ERN2: variants seen among roughly 807,000 people sequenced by gnomAD.
ERN2 encodes endoplasmic reticulum to nucleus signaling 2.
Under a neutral mutation model 107.9 loss-of-function variants are expected in ERN2, and 111 were observed. The observed-to-expected ratio is 1.03, with a 90% confidence interval of 0.88 to 1.20. The LOEUF (loss-of-function observed/expected upper bound fraction) is 1.20, where lower values mean the gene tolerates loss of function less well. Ranked by LOEUF, ERN2 falls within the 50% of genes most tolerant of loss-of-function variation. The probability of loss-of-function intolerance (pLI) is 0.00; values close to 1 mark genes in which losing one functional copy is unlikely to be tolerated. For missense variants in ERN2, 1,225 were observed against 1,197.9 expected (o/e 1.02, Z -0.33); for synonymous variants, 524 against 501.7 (o/e 1.04, Z -0.59).
Position 23,700,979 on chromosome 16 carries a change from T to G in ERN2, c.1339A>C (p.Ile447Leu), listed in dbSNP as rs1960039362. 6.2e-7 allele frequency: 1 copy of G among 1,613,956 alleles called. No homozygotes were observed. Among genetic ancestry groups the G allele is most frequent in the South Asian group, 1.1e-5 (1 of 91,068 alleles). Reference protein sequence around the residue: ...SLTAVLLGGWILFVMRQQQPQ... With the variant: ...SLTAVLLGGWLLFVMRQQQPQ... ...CCTACCTGCCTCATCACAAAGAGAA[T>G]CCACCCTCCCAGGAGGACAGCAGTG... is the stretch of plus-strand genomic sequence containing the variant. The change falls in exon 12 of 22, where the codon ATT becomes CTT. Residue 447 changes from isoleucine to leucine, a missense_variant. Transcript: ENST00000256797.
intron 1 of ERN2, 124 bp from the exon 2 acceptor site, chr16:23,711,142 G>C (rs1960525260): frequency 1.6e-6 from 1 of 643,436 alleles, no homozygotes. Flanking sequence ...GGGAGGAAGG[G>C]TGATTGGGGA....
chr16:23,699,851 A>G lies in ERN2; in HGVS notation c.1525+688T>C, dbSNP rs1272482721. ...AATATAACATCATTTTAACATGAATATTAATATTACCTAAGTATTATTTAA... is the reference window on the plus strand; with the variant it reads ...AATATAACATCATTTTAACATGAATGTTAATATTACCTAAGTATTATTTAA... On this transcript the variant is annotated intron_variant, in intron 13 of 21. Coordinates refer to ENST00000256797, the MANE Select transcript of ERN2 (RefSeq NM_033266.4). Among the ~76,000 whole-genome samples, 4 of 152,244 alleles carry G rather than the reference A, an allele frequency of 2.6e-5. No individual in the cohort carries two copies. In the East Asian group the frequency reaches 7.7e-4, roughly 29 times the overall value.
At position 23,695,185 on chromosome 16, in the gene ERN2, C is replaced by G; in HGVS notation, c.1800+15G>C. ...ACCTTCCCACTCACCCTCCCTGAAC[C>G]GCAATGCAACTCACCTCCTGCAAGG... On this transcript the variant is annotated intron_variant, in intron 15 of 21. Coordinates refer to ENST00000256797, the MANE Select transcript of ERN2 (RefSeq NM_033266.4). 1.2e-6 allele frequency: 2 copies of G among 1,613,878 alleles called. No homozygotes were observed. Among genetic ancestry groups the G allele is most frequent in the Non-Finnish European group, 1.7e-6 (2 of 1,179,818 alleles).
intron 4 of ERN2, chr16:23,709,258 A>G: frequency 2.3e-6 from 1 of 444,144 alleles, no homozygotes; most frequent in South Asian, 1.6e-5. Flanking sequence ...TGATCGTACC[A>G]CTGCACTCCA....
intron 1 of ERN2, among the ~76,000 whole-genome samples, chr16:23,711,566 T>C (rs1202327325): frequency 6.6e-6 from 1 of 151,926 alleles, no homozygotes; most frequent in Non-Finnish European, 1.5e-5. Flanking sequence ...CTATGTTGTC[T>C]AGGCTGGTCT....
chr16:23,691,250 G>T, intron 20 of ERN2, 52 bp downstream of exon 20: 1 of 1,611,614 alleles, frequency 6.2e-7, no homozygotes, highest in Non-Finnish European at 8.5e-7. Flanking sequence ...CCCCTCCACC[G>T]CCCAGGCCCA....
At chr16:23,696,839 A>T (rs1959847843) in intron 13 of ERN2, 1 of 152,118 alleles carries the variant, frequency 6.6e-6, no homozygotes, top group Non-Finnish European at 1.5e-5. Flanking sequence ...ACTCTACTTT[A>T]TAAGAGTTTT....
At chr16:23,705,617 A>G (rs187611187) in intron 7 of ERN2, among the ~76,000 whole-genome samples, 7 of 152,166 alleles carry the variant, frequency 4.6e-5, no homozygotes, top group Admixed American at 3.3e-4. Flanking sequence ...ATCAGTCATA[A>G]TATCAAGGGG....
At chr16:23,704,378 C>T (rs1043913260) in intron 8 of ERN2, among the ~76,000 whole-genome samples, 5 of 152,192 alleles carry the variant, frequency 3.3e-5, no homozygotes, top group Admixed American at 3.3e-4. Context: ...AGGTCTTTCC[C>T]ATGCTGTTCT....
At chr16:23,706,585 T>C (rs1960324639) in intron 6 of ERN2, among the ~76,000 whole-genome samples, 154 bp from the exon 7 acceptor site, 1 of 152,130 alleles carries the variant, frequency 6.6e-6, no homozygotes, top group South Asian at 2.1e-4. Flanking sequence ...ACTGGAGCTG[T>C]CTTGTTTACA....
intron 7 of ERN2, 123 bp from the exon 8 acceptor site, chr16:23,705,270 G>A (rs1018136493): frequency 4.4e-5 from 48 of 1,094,738 alleles, no homozygotes; most frequent in Middle Eastern, 4.6e-4. Context: ...ATCTGGACAT[G>A]AGAATGTTTG....
rs1960130226 is a variant in ERN2 at position 23,702,557 on chromosome 16, G to A, written c.934-20C>T. The A allele has an allele frequency of 1.2e-6, 2 of 1,613,810 alleles. No homozygotes were observed. The highest frequency in any genetic ancestry group is 2.7e-5 in the African/African-American group (2 of 74,910). On this transcript the variant is annotated intron_variant, in intron 9 of 21. Transcript: ENST00000256797. ...ACGAGGCTATGGCAGAAGATGGAGA[G>A]CCATGAGTGAGGGAGGTTCTTCTCC...
rs1306071137 is a variant in ERN2 at position 23,694,735 on chromosome 16, T to A, written c.2093A>T (p.Asp698Val). 1.2e-6 allele frequency: 2 copies of A among 1,606,016 alleles called. No homozygotes were observed. The highest frequency in any genetic ancestry group is 2.2e-5 in the South Asian group (2 of 90,108). Residue 698 changes from aspartate (D) to valine (V), a missense_variant, in exon 17 of 22, where the codon GAC becomes GTC. Asp to Val is a radical substitution (Grantham distance 152). Transcript: ENST00000256797. ...APELLQLLPP[D>V]SPTSAVDIFS... ...CTTGGTGGATAGACTCACAGGACTGTCTGGTGGCAGGAGCTGCAGAAGCTC... is the reference window on the plus strand; with the variant it reads ...CTTGGTGGATAGACTCACAGGACTGACTGGTGGCAGGAGCTGCAGAAGCTC...
intron 4 of ERN2, among the ~76,000 whole-genome samples, chr16:23,708,546 C>T (rs1218537917): frequency 4.6e-5 from 7 of 151,698 alleles, no homozygotes; most frequent in African/African-American, 1.5e-4. Flanking sequence ...TTGGTAGAGA[C>T]GGGGTTTCAC....
intron 4 of ERN2, among the ~76,000 whole-genome samples, chr16:23,708,788 C>T (rs565839005): frequency 7.8e-4 from 118 of 152,238 alleles, no homozygotes; most frequent in Admixed American, 5.0e-3. Context: ...TGCCTTCTGC[C>T]GTGATTGTAA....
chr16:23,702,556 A>G lies in ERN2; in HGVS notation c.934-19T>C. The G allele has an allele frequency of 6.2e-7, 1 of 1,613,890 alleles. No homozygotes were observed. The highest frequency in any genetic ancestry group is 8.5e-7 in the Non-Finnish European group (1 of 1,179,824). The stretch of plus-strand genomic sequence containing the variant: ...CACGAGGCTATGGCAGAAGATGGAG[A>G]GCCATGAGTGAGGGAGGTTCTTCTC... On this transcript the variant is annotated intron_variant, in intron 9 of 21. Coordinates refer to ENST00000256797, the MANE Select transcript of ERN2 (RefSeq NM_033266.4).
chr16:23,691,824 C>T lies in ERN2; in HGVS notation c.2376+139G>A, dbSNP rs190002631. On this transcript the variant is annotated intron_variant, in intron 19 of 21. Coordinates refer to ENST00000256797, the MANE Select transcript of ERN2 (RefSeq NM_033266.4). ...GGAGTTTAGGAGTCCAGGCTGGCTC[C>T]CAGTTTAGGGAAAGAGCCAGGCTCC... The T allele has an allele frequency of 9.4e-5, 116 of 1,231,362 alleles. No homozygotes were observed. In the Middle Eastern group the frequency reaches 2.9e-3, roughly 31 times the overall value. 76.3% of individuals were successfully genotyped at this position (1,231,362 alleles called of 1,614,324 possible).
rs1007670305 is a variant in ERN2 at position 23,709,901 on chromosome 16, A to G, written c.306+271T>C. ...TTTTATTTAGCAAAAGCTAACTGGT[A>G]TATACATTTCTCTTTAAAGCCCTCA... On this transcript the variant is annotated intron_variant, in intron 4 of 21. Transcript: ENST00000256797. The G allele has an allele frequency of 3.2e-5, 12 of 373,498 alleles. 1 individual carries two copies. The South Asian group carries it at 3.3e-4, about 10-fold the overall frequency. The allele number at this position is 373,498 out of a possible 1,614,324, so 23.1% of individuals were successfully genotyped here.
At chr16:23,704,546 G>C (rs1567251240) in intron 8 of ERN2, among the ~76,000 whole-genome samples, 1 of 152,188 alleles carries the variant, frequency 6.6e-6, no homozygotes, top group African/African-American at 2.4e-5. Flanking sequence ...ACGTGGAACT[G>C]AAAGTCCAAT....
Sources: allele counts gnomAD v4.1 joint callset (sites outside exome capture counted in the v4.1 genomes callset), GRCh38; gene constraint gnomAD v4.1.1; transcripts MANE v1.5; gene names NCBI Gene and HGNC (gene_info 2026-07-23, HGNC 2026-07-21).